Variants in MAP3K20 observed in about 807,000 individuals in gnomAD.
MAP3K20 encodes the protein mitogen-activated protein kinase kinase kinase 20.
In MAP3K20, 40 loss-of-function variants were observed where a neutral mutation model predicts 85.7. The ratio of observed to expected loss-of-function variants is 0.47; its 90% CI spans 0.36 to 0.61. The LOEUF (loss-of-function observed/expected upper bound fraction) is 0.61, where lower values mean the gene tolerates loss of function less well. Ranked by LOEUF, MAP3K20 falls within the 20% of genes least tolerant of loss-of-function variation. The pLI, the probability that MAP3K20 is intolerant of heterozygous loss-of-function variation, is 0.00. For synonymous variants in MAP3K20, 325 were observed against 327.7 expected (o/e 0.99, Z 0.09); for missense variants, 817 against 961.7 (o/e 0.85, Z 1.99).
intron 2 of MAP3K20, chr2:173,160,530 A>G (rs1239028075): frequency 6.6e-6 from 1 of 152,218 alleles, no homozygotes; most frequent in African/African-American, 2.4e-5. Flanking sequence ...TCCTGGGATC[A>G]TGAACCTTTT....
At chr2:173,160,335 C>T (rs993460599) in intron 2 of MAP3K20, 3 of 152,122 alleles carry the variant, frequency 2.0e-5, no homozygotes, top group Non-Finnish European at 4.4e-5. Flanking sequence ...TGAAAATCCT[C>T]CAAGCCTGCT....
chr2:173,122,349 T>G (rs1361135440), intron 2 of MAP3K20, among the ~76,000 whole-genome samples: 1 of 152,172 alleles, frequency 6.6e-6, no homozygotes, highest in Non-Finnish European at 1.5e-5. Context: ...GAGCTCGTGT[T>G]TTTTCTTTCT....
chr2:173,221,576 A>C, intron 11 of MAP3K20: 1 of 1,454,492 alleles, frequency 6.9e-7, no homozygotes, highest in Non-Finnish European at 9.1e-7. Context: ...GGAAAACACA[A>C]AAGTAACTTG....
rs990899268 is a variant in MAP3K20 at position 173,227,318 on chromosome 2, A to AT, written c.988-2361dup. ...AAGTGATGGGACAGTCATGGGGTGG[A>AT]TTTTTTTTTTATTCCCTAAAGAAAG... is the stretch of plus-strand genomic sequence containing the variant. On this transcript the variant is annotated intron_variant, in intron 11 of 19. Coordinates refer to ENST00000375213, the MANE Select transcript of MAP3K20 (RefSeq NM_016653.3). 2.4e-3 allele frequency among the ~76,000 whole-genome samples: 358 copies of AT among 150,074 alleles called. 1 individual carries two copies. The highest frequency in any genetic ancestry group is 8.0e-3 in the African/African-American group (329 of 40,986).
chr2:173,256,290 G>C (rs745328675), intron 16 of MAP3K20, among the ~76,000 whole-genome samples: 1 of 152,196 alleles, frequency 6.6e-6, no homozygotes, highest in Non-Finnish European at 1.5e-5. Flanking sequence ...CAGCATGTGA[G>C]GTGCTTGGTA....
At chr2:173,158,345 G>C (rs1689543194) in intron 2 of MAP3K20, among the ~76,000 whole-genome samples, 1 of 152,168 alleles carries the variant, frequency 6.6e-6, no homozygotes, top group African/African-American at 2.4e-5. Flanking sequence ...AAGGGAGAAA[G>C]GGGGAGGAGA....
intron 2 of MAP3K20, among the ~76,000 whole-genome samples, chr2:173,104,977 T>A (rs1687743837): frequency 6.6e-6 from 1 of 151,904 alleles, no homozygotes; most frequent in Admixed American, 6.6e-5. Context: ...GAGTGGAGTG[T>A]GTGAGGGAGG....
intron 1 of MAP3K20, among the ~76,000 whole-genome samples, chr2:173,077,227 G>T (rs1559221163): frequency 6.6e-6 from 1 of 152,010 alleles, no homozygotes; most frequent in Non-Finnish European, 1.5e-5. Flanking sequence ...TTGCTTCCTC[G>T]ACCTTCGTTG....
intron 4 of MAP3K20, among the ~76,000 whole-genome samples, chr2:173,185,074 T>C (rs983808902): frequency 6.6e-6 from 1 of 152,050 alleles, no homozygotes; most frequent in African/African-American, 2.4e-5. Context: ...AAACCCTGTT[T>C]CTACTAAAAA....
rs375017335 is a variant in MAP3K20, at chr2:173,126,695, A to ACAAAGAGAATATGCATT, written c.159+35506_159+35522dup. Among the ~76,000 whole-genome samples the ACAAAGAGAATATGCATT allele has an allele frequency of 6.6e-3, 1,010 of 152,324 alleles. 5 individuals carry two copies. The highest frequency in any genetic ancestry group is 8.1e-3 in the Non-Finnish European group (554 of 68,030). The stretch of plus-strand genomic sequence containing the variant: ...GTGCCCAGCTGATGAATGTTTCTTT[A>ACAAAGAGAATATGCATT]CAAAGAGAATATGCATTTCTTATTT... On this transcript the variant is annotated intron_variant, in intron 2 of 19. Coordinates refer to ENST00000375213, the MANE Select transcript of MAP3K20 (RefSeq NM_016653.3).
intron 2 of MAP3K20, among the ~76,000 whole-genome samples, chr2:173,091,539 G>A (rs1687300635): frequency 6.6e-6 from 1 of 152,188 alleles, no homozygotes; most frequent in Non-Finnish European, 1.5e-5. Context: ...TCGGTAAAGA[G>A]TAATGTGTGA....
rs114560387 is a variant in MAP3K20 at position 173,243,535 on chromosome 2, C to G, written c.1359+4039C>G. 3.8e-4 allele frequency among the ~76,000 whole-genome samples: 58 copies of G among 152,242 alleles called. No homozygotes were observed. In the Middle Eastern group the frequency reaches 0.01, roughly 27 times the overall value. ...AGGGAGTGCCCAGAAAGGGGGCTGG[C>G]GACCAGAAAAAGCACTGTCTTATGT... On this transcript the variant is annotated intron_variant, in intron 16 of 19. Coordinates refer to ENST00000375213, the MANE Select transcript of MAP3K20 (RefSeq NM_016653.3).
At chr2:173,076,927 A>T (rs1048364140) in intron 1 of MAP3K20, among the ~76,000 whole-genome samples, 9 of 152,264 alleles carry the variant, frequency 5.9e-5, no homozygotes, top group Non-Finnish European at 2.9e-5. Flanking sequence ...TGCCTAAAAA[A>T]TTTTTTTAAA....
At chr2:173,075,596 T>C, upstream of MAP3K20, 1 of 271,246 alleles carries the variant, frequency 3.7e-6, no homozygotes. Context: ...GTGGTGTTAA[T>C]TTGTCAAAAA....
At chr2:173,189,570 CAT>C (rs1690589432) in intron 5 of MAP3K20, among the ~76,000 whole-genome samples, 1 of 152,176 alleles carries the variant, frequency 6.6e-6, no homozygotes, top group South Asian at 2.1e-4. Context: ...GACACATCCA[CAT>C]AGATATTTTT....
intron 2 of MAP3K20, among the ~76,000 whole-genome samples, chr2:173,134,424 A>ATTTTTTTTTTTTTTT (rs1315509260): frequency 2.0e-4 from 1 of 5,032 alleles, no homozygotes; most frequent in African/African-American, 6.0e-4. Context: ...ATATATATAT[A>ATTTTTTTTTTTTTTT]TATATTTTTT....
chr2:173,209,723 C>T lies in MAP3K20; in HGVS notation c.745-6C>T, dbSNP rs769927273. On this transcript the variant is annotated splice_region_variant and splice_polypyrimidine_tract_variant and intron_variant, in intron 9 of 19. Transcript: ENST00000375213. ...AGCGAATGATTACTTATTTTCTCTTCTTCAGAAACGGCCATCATTCAAGCA... is the reference window on the plus strand; with the variant it reads ...AGCGAATGATTACTTATTTTCTCTTTTTCAGAAACGGCCATCATTCAAGCA... The T allele has an allele frequency of 1.1e-5, 18 of 1,601,848 alleles. No individual in the cohort carries two copies. The highest frequency in any genetic ancestry group is 3.4e-5 in the South Asian group (3 of 89,152).
At chr2:173,093,360 C>T (rs1026677155) in intron 2 of MAP3K20, among the ~76,000 whole-genome samples, 1 of 152,132 alleles carries the variant, frequency 6.6e-6, no homozygotes. Flanking sequence ...CAGCTCATTT[C>T]ATGTGACTCT....
chr2:173,102,926 G>A (rs1165004301), intron 2 of MAP3K20, among the ~76,000 whole-genome samples: 2 of 151,946 alleles, frequency 1.3e-5, no homozygotes, highest in Non-Finnish European at 1.5e-5. Flanking sequence ...ATTAGCTGGT[G>A]CCTGTAATCC....
Sources: allele counts gnomAD v4.1 joint callset (sites outside exome capture counted in the v4.1 genomes callset), GRCh38; gene constraint gnomAD v4.1.1; transcripts MANE v1.5; gene names NCBI Gene and HGNC (gene_info 2026-07-23, HGNC 2026-07-21).